Variants in TRIO observed in about 807,000 individuals in gnomAD.
TRIO encodes trio Rho guanine nucleotide exchange factor, also known as triple functional domain protein.
In TRIO, 58 loss-of-function variants were observed where a neutral mutation model predicts 351.9. The ratio of observed to expected loss-of-function variants is 0.16; its 90% CI spans 0.13 to 0.21. TRIO has a LOEUF of 0.21. Among genes scored for constraint, TRIO ranks in the 10% least tolerant of loss-of-function variants. The pLI is 1.00. For missense variants in TRIO, 3,201 were observed against 4,027.8 expected (o/e 0.79, Z 5.56); for synonymous variants, 1,758 against 1,595.7 (o/e 1.10, Z -2.42).
In TRIO at chr5:14,473,985, T is replaced by C. The variant is rs966321333; in HGVS notation, c.5980-9T>C. The C allele has an allele frequency of 6.2e-7, 1 of 1,609,856 alleles. No individual in the cohort carries two copies. The highest frequency in any genetic ancestry group is 8.5e-7 in the Non-Finnish European group (1 of 1,176,520). The stretch of plus-strand genomic sequence containing the variant: ...ATGAAATACACTTATCATAACTGTT[T>C]AATTGTAGGGCTACATGGCACTTAT... On this transcript the variant is annotated splice_polypyrimidine_tract_variant and intron_variant, in intron 39 of 56. Transcript: ENST00000344204.
intron 34 of TRIO, among the ~76,000 whole-genome samples, chr5:14,455,360 G>T (rs2126457921): frequency 6.6e-6 from 1 of 152,304 alleles, no homozygotes; most frequent in East Asian, 1.9e-4. Flanking sequence ...GTGCTGATTG[G>T]TGTATTTACA....
chr5:14,465,206 C>T (rs1249894347), intron 36 of TRIO, among the ~76,000 whole-genome samples: 1 of 152,156 alleles, frequency 6.6e-6, no homozygotes, highest in Admixed American at 6.5e-5. Flanking sequence ...TTCTCCCTAG[C>T]CCAGAGCCTT....
chr5:14,266,237 A>G lies in TRIO; in HGVS notation c.158-4588A>G, dbSNP rs374142036. Among the ~76,000 whole-genome samples the G allele has an allele frequency of 2.0e-4, 31 of 151,856 alleles. No individual in the cohort carries two copies. The East Asian group carries it at 5.1e-3, about 25-fold the overall frequency. On this transcript the variant is annotated intron_variant, in intron 1 of 56. Coordinates refer to ENST00000344204, the MANE Select transcript of TRIO (RefSeq NM_007118.4). The stretch of plus-strand genomic sequence containing the variant: ...CTGCTCCTGGCTAATATTTTTTCGT[A>G]TTTTAGTAGAGATGGGGTTTCACCA...
rs1227315445 is a variant in TRIO at position 14,338,093 on chromosome 5, G to A, written c.2046+1366G>A. ...TGGCAGTTCCTAGTCATTGCTGCAC[G>A]TGCCTCTAGACTAAGTTTCCCACTC... On this transcript the variant is annotated intron_variant, in intron 11 of 56. Coordinates refer to ENST00000344204, the MANE Select transcript of TRIO (RefSeq NM_007118.4). Among the ~76,000 whole-genome samples the A allele has an allele frequency of 4.6e-5, 7 of 152,172 alleles. No homozygotes were observed. The South Asian group carries it at 1.0e-3, about 23-fold the overall frequency.
chr5:14,373,923 C>G (rs142141720), intron 18 of TRIO, among the ~76,000 whole-genome samples: 2 of 152,210 alleles, frequency 1.3e-5, no homozygotes, highest in African/African-American at 4.8e-5. Flanking sequence ...GCAAACCTCT[C>G]TAGACTGGAC....
chr5:14,342,882 C>T (rs1008584665), intron 11 of TRIO, among the ~76,000 whole-genome samples: 1 of 152,094 alleles, frequency 6.6e-6, no homozygotes, highest in Non-Finnish European at 1.5e-5. Context: ...CAGGCTGAAC[C>T]GTTGTAAGTC....
chr5:14,443,318 C>T (rs920090358), intron 34 of TRIO, among the ~76,000 whole-genome samples: 1 of 152,088 alleles, frequency 6.6e-6, no homozygotes, highest in South Asian at 2.1e-4. Context: ...AAGCGAAATT[C>T]GTGCATATGC....
intron 1 of TRIO, among the ~76,000 whole-genome samples, chr5:14,251,259 A>C (rs1251232080): frequency 6.6e-6 from 1 of 152,326 alleles, no homozygotes; most frequent in Admixed American, 6.5e-5. Context: ...GTATTAGTAG[A>C]ACCTCTTAGG....
chr5:14,173,353 G>A (rs1257947535), intron 1 of TRIO, among the ~76,000 whole-genome samples: 1 of 151,940 alleles, frequency 6.6e-6, no homozygotes. Context: ...TGGGACTGCA[G>A]GCATGCACCA....
At chr5:14,401,116 A>C (rs372614346) in intron 31 of TRIO, 52 bp downstream of exon 31, 6 of 1,454,222 alleles carry the variant, frequency 4.1e-6, no homozygotes, top group Non-Finnish European at 5.7e-6. Flanking sequence ...TACTGTGGCC[A>C]TCCATGCTTG....
intron 32 of TRIO, chr5:14,406,222 C>A: frequency 1.6e-6 from 1 of 635,986 alleles, no homozygotes; most frequent in Non-Finnish European, 2.6e-6. Flanking sequence ...CATTGTTTTG[C>A]CTTTCTCACC....
At chr5:14,194,067 G>C (rs950154925) in intron 1 of TRIO, among the ~76,000 whole-genome samples, 6 of 152,074 alleles carry the variant, frequency 3.9e-5, no homozygotes, top group Non-Finnish European at 8.8e-5. Context: ...TCTTCTTCAG[G>C]TTCGGGGACA....
At chr5:14,427,943 A>G (rs1381919188) in intron 34 of TRIO, among the ~76,000 whole-genome samples, 1 of 152,182 alleles carries the variant, frequency 6.6e-6, no homozygotes, top group African/African-American at 2.4e-5. Flanking sequence ...AGCTTTGCAG[A>G]GACCAAGGTT....
intron 20 of TRIO, among the ~76,000 whole-genome samples, chr5:14,379,724 A>G (rs529905430): frequency 7.2e-5 from 11 of 152,310 alleles, no homozygotes; most frequent in African/African-American, 2.6e-4. Flanking sequence ...ATTGTACATA[A>G]TTTTGTTGGC....
At chr5:14,386,042 C>G (rs576502038) in intron 21 of TRIO, among the ~76,000 whole-genome samples, 4 of 152,250 alleles carry the variant, frequency 2.6e-5, no homozygotes, top group Admixed American at 2.6e-4. Flanking sequence ...GAAGGACAGA[C>G]GACGATTGTA....
intron 11 of TRIO, among the ~76,000 whole-genome samples, chr5:14,351,629 A>G (rs987794689): frequency 4.6e-5 from 7 of 152,250 alleles, no homozygotes; most frequent in Non-Finnish European, 1.0e-4. Flanking sequence ...GAGAAGATGC[A>G]TGTAGTAAAA....
At chr5:14,414,662 A>G (rs1749493305) in intron 33 of TRIO, among the ~76,000 whole-genome samples, 1 of 151,828 alleles carries the variant, frequency 6.6e-6, no homozygotes, top group Non-Finnish European at 1.5e-5. Context: ...TACCGTCTTC[A>G]CCATTTTTAT....
intron 46 of TRIO, among the ~76,000 whole-genome samples, chr5:14,484,690 C>T (rs1755784665): frequency 6.6e-6 from 1 of 152,158 alleles, no homozygotes; most frequent in Admixed American, 6.5e-5. Context: ...TTGCAGCCAT[C>T]ACCATCATCT....
intron 1 of TRIO, among the ~76,000 whole-genome samples, chr5:14,229,920 G>T (rs1793298454): frequency 6.6e-6 from 1 of 152,122 alleles, no homozygotes; most frequent in Non-Finnish European, 1.5e-5. Context: ...TGCCTTCTTT[G>T]AGTCAGTCTT....
Sources: allele counts gnomAD v4.1 joint callset (sites outside exome capture counted in the v4.1 genomes callset), GRCh38; gene constraint gnomAD v4.1.1; transcripts MANE v1.5; gene names NCBI Gene and HGNC (gene_info 2026-07-23, HGNC 2026-07-21).